Variants in TOX2 observed in about 807,000 individuals in gnomAD.
TOX2 encodes TOX high mobility group box family member 2.
In TOX2, 15 loss-of-function variants were observed where a neutral mutation model predicts 47.4. The ratio of observed to expected loss-of-function variants is 0.32; its 90% CI spans 0.21 to 0.49. The LOEUF is 0.49. Among genes scored for constraint, TOX2 ranks in the 20% least tolerant of loss-of-function variants. The probability of loss-of-function intolerance (pLI) is 0.99; values close to 1 mark genes in which losing one functional copy is unlikely to be tolerated. For synonymous variants in TOX2, 290 were observed against 296.6 expected (o/e 0.98, Z 0.23); for missense variants, 622 against 673.1 (o/e 0.92, Z 0.84).
intron 5 of TOX2, among the ~76,000 whole-genome samples, chr20:44,056,892 A>G (rs2071628989): frequency 6.6e-6 from 1 of 152,146 alleles, no homozygotes; most frequent in African/African-American, 2.4e-5. Flanking sequence ...TCTTTTACAA[A>G]TGATAATTTT....
chr20:44,015,794 C>T (rs1230261537), intron 3 of TOX2, among the ~76,000 whole-genome samples: 3 of 151,932 alleles, frequency 2.0e-5, no homozygotes, highest in Non-Finnish European at 1.5e-5. Flanking sequence ...TTTCGTAAAC[C>T]CCCCATCCCA....
chr20:43,941,837 G>T (rs2069406612), intron 1 of TOX2, among the ~76,000 whole-genome samples: 1 of 152,118 alleles, frequency 6.6e-6, no homozygotes, highest in Non-Finnish European at 1.5e-5. Flanking sequence ...TCACAGAATT[G>T]TTTTTGGTAA....
intron 2 of TOX2, among the ~76,000 whole-genome samples, chr20:43,978,150 C>G (rs1303678850): frequency 6.6e-6 from 1 of 152,152 alleles, no homozygotes; most frequent in African/African-American, 2.4e-5. Flanking sequence ...TGAGTGTTGG[C>G]TGCTAACTAT....
At chr20:44,020,156 A>T (rs1177743582) in intron 3 of TOX2, among the ~76,000 whole-genome samples, 1 of 152,194 alleles carries the variant, frequency 6.6e-6, no homozygotes, top group African/African-American at 2.4e-5. Flanking sequence ...GCCGCGCTAG[A>T]GGGAGGTCTG....
chr20:43,997,866 GT>G (rs1193658103), intron 2 of TOX2, among the ~76,000 whole-genome samples: 1 of 152,126 alleles, frequency 6.6e-6, no homozygotes, highest in African/African-American at 2.4e-5. Flanking sequence ...CTCTTAAAGT[GT>G]TTAAGTATGT....
At chr20:43,962,911 C>T (rs2069786658) in intron 1 of TOX2, among the ~76,000 whole-genome samples, 1 of 152,154 alleles carries the variant, frequency 6.6e-6, no homozygotes, top group South Asian at 2.1e-4. Context: ...TTAGTTAACC[C>T]AGTATATCCC....
At chr20:43,978,763 T>TTGTGTGTGTGTGTG (rs9305120) in intron 2 of TOX2, among the ~76,000 whole-genome samples, 278 of 146,594 alleles carry the variant, frequency 1.9e-3, no homozygotes, top group South Asian at 7.1e-3. Flanking sequence ...TTGAAAGAAC[T>TTGTGTGTGTGTGTG]TGTGTGTGTG....
In TOX2 at chr20:44,065,926, C is replaced by CGCT; in HGVS notation, c.1177_1178insTGC (p.Pro392_Pro393insLeu). 1.9e-6 allele frequency: 3 copies of CGCT among 1,611,584 alleles called. No individual in the cohort carries two copies. The highest frequency in any genetic ancestry group is 2.5e-6 in the Non-Finnish European group (3 of 1,178,656). On this transcript the variant is annotated inframe_insertion, in exon 7 of 9. Transcript: ENST00000341197. The stretch of plus-strand genomic sequence containing the variant: ...CCAGGCCTCAGTGCGTCCCCGCCGC[C>CGCT]GCCACCCTCCTTCCCGCTCAGCCCC...
intron 3 of TOX2, chr20:44,039,272 C>T (rs1314376671): frequency 1.6e-6 from 2 of 1,289,254 alleles, no homozygotes; most frequent in African/African-American, 3.0e-5. Context: ...GGTGTCCAGT[C>T]TAGAGAGAAG....
At chr20:44,034,568 G>A (rs965331732) in intron 3 of TOX2, among the ~76,000 whole-genome samples, 9 of 152,206 alleles carry the variant, frequency 5.9e-5, no homozygotes, top group Admixed American at 2.0e-4. Context: ...GCCTGCAGAG[G>A]ATGTGAGAAA....
intron 1 of TOX2, among the ~76,000 whole-genome samples, chr20:43,972,450 C>T (rs2069991494): frequency 6.6e-6 from 1 of 152,186 alleles, no homozygotes; most frequent in Non-Finnish European, 1.5e-5. Context: ...TAGCCACATG[C>T]ATCTGAACCC....
chr20:44,031,151 G>A (rs2071144138), intron 3 of TOX2, among the ~76,000 whole-genome samples: 1 of 152,162 alleles, frequency 6.6e-6, no homozygotes, highest in South Asian at 2.1e-4. Flanking sequence ...GGTGGGCCAA[G>A]TGGTACACAA....
intron 2 of TOX2, among the ~76,000 whole-genome samples, chr20:44,003,081 C>T (rs972763684): frequency 1.2e-4 from 19 of 152,134 alleles, no homozygotes; most frequent in African/African-American, 4.6e-4. Context: ...TGCACTGCCT[C>T]CTGCGTGATA....
intron 1 of TOX2, among the ~76,000 whole-genome samples, chr20:43,926,251 T>C (rs73118225): frequency 0.027 from 4,089 of 152,260 alleles, 91 homozygotes; most frequent in African/African-American, 0.055. Flanking sequence ...GTTTACATTA[T>C]TTAGGAAGGT....
intron 1 of TOX2, among the ~76,000 whole-genome samples, chr20:43,946,745 A>G (rs1392753420): frequency 6.6e-6 from 1 of 152,186 alleles, no homozygotes; most frequent in Non-Finnish European, 1.5e-5. Context: ...GAGATTTCAA[A>G]TGCAGAAACC....
At chr20:44,005,645 T>A (rs1569086396) in intron 2 of TOX2, among the ~76,000 whole-genome samples, 1 of 152,354 alleles carries the variant, frequency 6.6e-6, no homozygotes, top group East Asian at 1.9e-4. Flanking sequence ...CCAAATTACA[T>A]GTTTACTATG....
chr20:43,930,568 G>A (rs558238975), intron 1 of TOX2, among the ~76,000 whole-genome samples: 1 of 152,294 alleles, frequency 6.6e-6, no homozygotes, highest in East Asian at 1.9e-4. Flanking sequence ...TGGGAATGAT[G>A]ACCTTGCCTT....
intron 5 of TOX2, among the ~76,000 whole-genome samples, chr20:44,060,504 A>G (rs542181075): frequency 5.9e-5 from 9 of 152,346 alleles, no homozygotes; most frequent in African/African-American, 2.2e-4. Flanking sequence ...ACAATAGGCC[A>G]TAAAACAAGT....
At chr20:43,959,428 G>A (rs1417486606) in intron 1 of TOX2, among the ~76,000 whole-genome samples, 1 of 152,220 alleles carries the variant, frequency 6.6e-6, no homozygotes, top group Admixed American at 6.5e-5. Context: ...AGTGAACCTG[G>A]CACTTTGTCT....
Sources: gnomAD v4.1 joint callset for allele counts (sites outside exome capture counted in the v4.1 genomes callset) on GRCh38, gnomAD v4.1.1 for gene constraint, MANE v1.5 for transcripts, NCBI Gene and HGNC (gene_info 2026-07-23, HGNC 2026-07-21) for gene names.